Variants in SUDS3 observed in about 807,000 individuals in gnomAD.
SUDS3 encodes sin3 histone deacetylase corepressor complex component SDS3.
A neutral mutation model predicts 53.5 loss-of-function variants in SUDS3; 23 were observed. The observed-to-expected ratio is 0.43, with a 90% confidence interval of 0.31 to 0.61. The LOEUF (loss-of-function observed/expected upper bound fraction) is 0.61, where lower values mean the gene tolerates loss of function less well. SUDS3 is among the 20% of genes least tolerant of loss of function. The pLI, the probability that SUDS3 is intolerant of heterozygous loss-of-function variation, is 0.10. For missense variants in SUDS3, 291 were observed against 405.9 expected, an observed-to-expected ratio of 0.72 and a Z score of 2.43; for synonymous variants, 150 against 148.5, an observed-to-expected ratio of 1.01 and a Z score of -0.08.
intron 6 of SUDS3, among the ~76,000 whole-genome samples, chr12:118,399,038 T>C (rs2141379303): frequency 6.6e-6 from 1 of 152,204 alleles, no homozygotes; most frequent in South Asian, 2.1e-4. Flanking sequence ...AAGAGGAAGC[T>C]AGACAGAGGA....
intron 10 of SUDS3, among the ~76,000 whole-genome samples, chr12:118,410,575 ATTTATTTT>A (rs1383640742): frequency 3.0e-5 from 4 of 131,648 alleles, no homozygotes; most frequent in Non-Finnish European, 6.2e-5. Flanking sequence ...TTATTTATTT[ATTTATTTT>A]ATTTATTTAT....
intron 2 of SUDS3, among the ~76,000 whole-genome samples, chr12:118,383,693 T>G (rs2046088160): frequency 6.6e-6 from 1 of 152,258 alleles, no homozygotes; most frequent in Admixed American, 6.5e-5. Flanking sequence ...ATTGTGTGTG[T>G]GCTTGCCTGT....
chr12:118,383,995 CTTTTT>C lies in SUDS3; in HGVS notation c.213-9_213-5del. The C allele has an allele frequency of 7.3e-7, 1 of 1,368,878 alleles. No homozygotes were observed. The highest frequency in any genetic ancestry group is 1.0e-6 in the Non-Finnish European group (1 of 992,068). The allele number at this position is 1,368,878 out of a possible 1,614,324, so 84.8% of individuals were successfully genotyped here. On this transcript the variant is annotated splice_polypyrimidine_tract_variant and intron_variant, in intron 2 of 11. Transcript: ENST00000543473. ...TGAATGTTTTTATCTGTTAGTGTGACTTTTTTTTTTTTATAGGATGTATCAGGACA... is the reference window on the plus strand; with the variant it reads ...TGAATGTTTTTATCTGTTAGTGTGACTTTTTTTATAGGATGTATCAGGACA...
intron 11 of SUDS3, among the ~76,000 whole-genome samples, chr12:118,413,041 C>G (rs904104976): frequency 2.6e-5 from 4 of 152,196 alleles, no homozygotes; most frequent in Admixed American, 2.6e-4. Context: ...GACTCCCTGA[C>G]TTAGCTTTTC....
intron 2 of SUDS3, among the ~76,000 whole-genome samples, chr12:118,383,388 TGA>T (rs890080996): frequency 6.6e-6 from 1 of 152,226 alleles, no homozygotes; most frequent in Non-Finnish European, 1.5e-5. Context: ...CCATTAGGTG[TGA>T]GAGGAAAAAA....
chr12:118,411,183 A>G, intron 11 of SUDS3, 26 bp downstream of exon 11: 1 of 1,566,458 alleles, frequency 6.4e-7, no homozygotes, highest in Non-Finnish European at 8.7e-7. Context: ...CCTCACCTTT[A>G]GGGAAGCAAA....
At chr12:118,394,371 G>T (rs1180798497) in intron 6 of SUDS3, among the ~76,000 whole-genome samples, 3 of 152,176 alleles carry the variant, frequency 2.0e-5, no homozygotes, top group African/African-American at 7.2e-5. Context: ...TTTTATAAAT[G>T]GCAGAGGTGG....
At chr12:118,406,609 A>C (rs2046310501) in intron 10 of SUDS3, among the ~76,000 whole-genome samples, 1 of 152,172 alleles carries the variant, frequency 6.6e-6, no homozygotes, top group Non-Finnish European at 1.5e-5. Flanking sequence ...GTTACAAAGT[A>C]ATAGAGTCAG....
chr12:118,409,847 T>G (rs17441061), intron 10 of SUDS3, among the ~76,000 whole-genome samples: 18,053 of 152,314 alleles, frequency 0.12, 1,307 homozygotes, highest in Middle Eastern at 0.19. Flanking sequence ...GGCAGCTGCT[T>G]TTGTCCCATT....
At chr12:118,387,269 C>T (rs996742038) in intron 4 of SUDS3, among the ~76,000 whole-genome samples, 7 of 152,156 alleles carry the variant, frequency 4.6e-5, no homozygotes, top group East Asian at 1.9e-4. Flanking sequence ...AATCCTCAAC[C>T]GGTTGCTCTT....
At chr12:118,377,429 A>C (rs968822301) in intron 1 of SUDS3, among the ~76,000 whole-genome samples, 1 of 152,142 alleles carries the variant, frequency 6.6e-6, no homozygotes, top group African/African-American at 2.4e-5. Flanking sequence ...CCTAGAAGGC[A>C]CTTCCTAGGG....
intron 11 of SUDS3, among the ~76,000 whole-genome samples, chr12:118,412,812 G>T (rs1192028630): frequency 4.6e-5 from 7 of 152,198 alleles, no homozygotes; most frequent in Non-Finnish European, 7.4e-5. Flanking sequence ...TAGAGTGTCA[G>T]TGAGATCTGA....
intron 6 of SUDS3, among the ~76,000 whole-genome samples, chr12:118,392,915 C>T (rs2046180729): frequency 6.6e-6 from 1 of 152,188 alleles, no homozygotes; most frequent in African/African-American, 2.4e-5. Context: ...TTAACTGGGA[C>T]AGGAGGCATC....
At chr12:118,411,197 T>C in intron 11 of SUDS3, 40 bp downstream of exon 11, 1 of 1,545,202 alleles carries the variant, frequency 6.5e-7, no homozygotes, top group East Asian at 2.4e-5. Flanking sequence ...AAGCAAAATG[T>C]GTACTGCGAA....
chr12:118,406,211 C>T (rs2046307150), intron 10 of SUDS3, among the ~76,000 whole-genome samples: 1 of 152,150 alleles, frequency 6.6e-6, no homozygotes, highest in Non-Finnish European at 1.5e-5. Context: ...CTGTTTTTCT[C>T]TCCTTGTTTT....
intron 9 of SUDS3, 193 bp downstream of exon 9, chr12:118,402,197 T>A: frequency 1.7e-6 from 1 of 577,220 alleles, no homozygotes; most frequent in South Asian, 2.6e-5. Context: ...TCATAACCCC[T>A]GCTTTGTTGT....
At chr12:118,400,004 C>T (rs2046249748) in intron 6 of SUDS3, among the ~76,000 whole-genome samples, 2 of 151,956 alleles carry the variant, frequency 1.3e-5, no homozygotes, top group Non-Finnish European at 1.5e-5. Context: ...CCTCCTTGTG[C>T]GCCACCTCTT....
chr12:118,389,200 G>A (rs931707362), intron 4 of SUDS3, among the ~76,000 whole-genome samples: 3 of 152,046 alleles, frequency 2.0e-5, no homozygotes, highest in Non-Finnish European at 4.4e-5. Context: ...TTCAGGCTGC[G>A]GACCACTGGG....
chr12:118,384,136 T>C (rs2046092950), intron 3 of SUDS3, 69 bp downstream of exon 3: 2 of 1,452,686 alleles, frequency 1.4e-6, no homozygotes, highest in East Asian at 2.3e-5. Flanking sequence ...GAAATCTGTG[T>C]ATTTCACTTC....
Sources: gnomAD v4.1 joint callset for allele counts (sites outside exome capture counted in the v4.1 genomes callset) on GRCh38, gnomAD v4.1.1 for gene constraint, MANE v1.5 for transcripts, NCBI Gene and HGNC (gene_info 2026-07-23, HGNC 2026-07-21) for gene names.